Variants in HMX1 observed in about 807,000 individuals in gnomAD.
HMX1 encodes H6 family homeobox 1.
A neutral mutation model predicts 8.9 loss-of-function variants in HMX1; 8 were observed. That is an observed-to-expected ratio of 0.90 (90% CI 0.53 to 1.63). The LOEUF is 1.63. Among genes scored for constraint, HMX1 ranks in the 40% most tolerant of loss-of-function variants. The pLI is 0.00. For missense variants in HMX1, 621 were observed against 558.5 expected (o/e 1.11, Z -1.13); for synonymous variants, 311 against 283.4 (o/e 1.10, Z -0.98).
At position 8,867,667 on chromosome 4, in the gene HMX1, T is replaced by G; in HGVS notation, c.*26A>C. Reference sequence around the variant, plus strand: ...GCGTCCACACAGGTCCACAGGGTCGTGGGGAGAGGGCCCGGCAGGCGGGGC... The same window carrying G: ...GCGTCCACACAGGTCCACAGGGTCGGGGGGAGAGGGCCCGGCAGGCGGGGC... On this transcript the variant is annotated 3_prime_UTR_variant, in exon 2 of 2. Transcript: ENST00000400677. The G allele has an allele frequency of 8.1e-7, 1 of 1,236,678 alleles. No individual in the cohort carries two copies. Among genetic ancestry groups the G allele is most frequent in the Admixed American group, 4.2e-5 (1 of 23,564 alleles). The allele number at this position is 1,236,678 out of a possible 1,614,324, so 76.6% of individuals were successfully genotyped here. A position where few individuals can be genotyped will look rare whatever the true frequency, so the allele number is the denominator to read the frequency against.
At position 8,848,263 on chromosome 4, in the gene HMX1, C is replaced by T. The variant is rs1437074644; in HGVS notation, c.395-1939G>A. Among the ~76,000 whole-genome samples the T allele has an allele frequency of 1.3e-5, 2 of 152,280 alleles. No homozygotes were observed. Among genetic ancestry groups the T allele is most frequent in the Non-Finnish European group, 2.9e-5 (2 of 68,034 alleles). On this transcript the variant is annotated intron_variant, in intron 1 of 1. Coordinates refer to the HMX1 transcript ENST00000506970. This position sits in a 1 kb window ranked among gnomAD's most constrained non-coding sequence, Gnocchi z 4.1. The stretch of plus-strand genomic sequence containing the variant: ...TCAATATTTTTATATTGATTGCATA[C>T]TGAAATGGTAATTTTGAACATGTTG...
downstream of HMX1, among the ~76,000 whole-genome samples, chr4:8,862,416 T>C (rs1359153903): frequency 6.6e-6 from 1 of 152,182 alleles, no homozygotes; most frequent in African/African-American, 2.4e-5. Flanking sequence ...TAAAACAAAA[T>C]CGAGGGAGGC....
downstream of HMX1, among the ~76,000 whole-genome samples, chr4:8,864,514 C>T (rs1721930695): frequency 1.3e-5 from 2 of 152,350 alleles, no homozygotes; most frequent in Middle Eastern, 3.4e-3. Context: ...AGCCAACGCG[C>T]TCGAGGTGCA....
Position 8,867,878 on chromosome 4 carries a change from C to A in HMX1, c.862G>T (p.Glu288Ter). The change falls in exon 2 of 2, where the codon GAA becomes TAA. Residue 288 changes from glutamate to a stop codon, truncating the protein, a stop_gained. Transcript: ENST00000400677. LOFTEE classifies it low-confidence loss of function (END_TRUNC). ...GCGGCGGCTGCGGCCGGGGGGCTTTCGTGGTAGAGCACCGGCACGCGGACC... is the reference window on the plus strand; with the variant it reads ...GCGGCGGCTGCGGCCGGGGGGCTTTAGTGGTAGAGCACCGGCACGCGGACC... ...RLVRVPVLYH[E>*]SPPAAAAAGP... The A allele has an allele frequency of 7.8e-7, 1 of 1,284,570 alleles. No individual in the cohort carries two copies. The highest frequency in any genetic ancestry group is 9.8e-7 in the Non-Finnish European group (1 of 1,017,202). 79.6% of individuals were successfully genotyped at this position (1,284,570 alleles called of 1,614,324 possible).
chr4:8,867,921 C>G lies in HMX1; in HGVS notation c.819G>C (p.Pro273=). 2 of 1,439,328 alleles carry G rather than the reference C, an allele frequency of 1.4e-6. No individual in the cohort carries two copies. The highest frequency in any genetic ancestry group is 1.8e-6 in the Non-Finnish European group (2 of 1,093,918). The allele number at this position is 1,439,328 out of a possible 1,614,324, so 89.2% of individuals were successfully genotyped here. A position where few individuals can be genotyped will look rare whatever the true frequency, so the allele number is the denominator to read the frequency against. The change falls in exon 2 of 2, where the codon CCG becomes CCC. Residue 273 remains proline, a synonymous_variant. Transcript: ENST00000400677. Reference sequence around the variant, plus strand: ...CGCGGACCAGGCGCTGCGCTCCCGGCGGGGACAGGCTGGCCGCCTCCAGCT... The same window carrying G: ...CGCGGACCAGGCGCTGCGCTCCCGGGGGGGACAGGCTGGCCGCCTCCAGCT... The part of the protein sequence containing the change: ...AAELEAASLS[P]PGAQRLVRVP...
rs562261539 is a variant in HMX1, at chr4:8,856,269, C to G, written c.395-9945G>C. ...AAAGAAAGAACCGAAAAAATGAATT[C>G]AAGCAATCGTGGCAGAAGCGTCCTA... On this transcript the variant is annotated intron_variant, in intron 1 of 1. Transcript: ENST00000506970. Among the ~76,000 whole-genome samples the G allele has an allele frequency of 1.7e-3, 265 of 152,274 alleles. 1 individual carries two copies. Among genetic ancestry groups the G allele is most frequent in the African/African-American group, 5.8e-3 (243 of 41,556 alleles).
In HMX1 at chr4:8,871,804, C is replaced by T. The variant is rs1722237208; in HGVS notation, c.-190G>A. On this transcript the variant is annotated 5_prime_UTR_variant, in exon 1 of 2. Coordinates refer to ENST00000400677, the MANE Select transcript of HMX1 (RefSeq NM_018942.3). This position sits in a 1 kb window ranked among gnomAD's most constrained non-coding sequence, Gnocchi z 4.8. ...GGCCGGGCCGGGAGCGAGTGCGCGC[C>T]GACAGCTGATCGGGCAGCCGCCTGG... The T allele has an allele frequency of 1.1e-5, 8 of 712,334 alleles. No individual in the cohort carries two copies. Among genetic ancestry groups the T allele is most frequent in the Non-Finnish European group, 1.4e-5 (8 of 579,680 alleles). 44.1% of individuals were successfully genotyped at this position (712,334 alleles called of 1,614,324 possible).
In HMX1 at chr4:8,862,011, C is replaced by T. The variant is rs549596031; in HGVS notation, c.394+9210G>A. 1.7e-3 allele frequency among the ~76,000 whole-genome samples: 259 copies of T among 152,332 alleles called. 1 individual carries two copies. The highest frequency in any genetic ancestry group is 5.7e-3 in the African/African-American group (237 of 41,586). On this transcript the variant is annotated intron_variant, in intron 1 of 1. Coordinates refer to the HMX1 transcript ENST00000506970. Reference sequence around the variant, plus strand: ...CGCCAAGGACCCTTCAGCCCTTGTCCGTCCTCCCTGATATGTCCTCGACGC... The same window carrying T: ...CGCCAAGGACCCTTCAGCCCTTGTCTGTCCTCCCTGATATGTCCTCGACGC...
At chr4:8,861,612 C>T (rs1290832150) in intron 1 of HMX1, among the ~76,000 whole-genome samples, 1 of 152,112 alleles carries the variant, frequency 6.6e-6, no homozygotes, top group East Asian at 1.9e-4. Flanking sequence ...GGCGGAGCCC[C>T]GGGGGCACGG....
intron 1 of HMX1, among the ~76,000 whole-genome samples, chr4:8,850,764 C>T (rs1216171464): frequency 6.6e-6 from 1 of 152,252 alleles, no homozygotes; most frequent in African/African-American, 2.4e-5. Context: ...ACTCCACTCA[C>T]CCAGCCCTGC....
rs4340868 is a variant in HMX1 at position 8,853,503 on chromosome 4, T to G, written c.395-7179A>C. Among the ~76,000 whole-genome samples, 29,601 of 152,150 alleles carry G rather than the reference T, an allele frequency of 0.19. 3,879 individuals carry two copies. Among genetic ancestry groups the G allele is most frequent in the East Asian group, 0.56 (2,902 of 5,160 alleles). ...CTGCAAGGGAGGCTGGGAAATGTAG[T>G]CTTTAGCTAAGTGCCCAACTGAAAT... is the stretch of plus-strand genomic sequence containing the variant. On this transcript the variant is annotated intron_variant, in intron 1 of 1. Transcript: ENST00000506970. This position sits in a 1 kb window ranked among gnomAD's most constrained non-coding sequence, Gnocchi z 4.7.
chr4:8,846,214 C>T (rs1304930640), exon 2 of HMX1: 1 of 1,511,510 alleles, frequency 6.6e-7, no homozygotes, highest in Non-Finnish European at 8.9e-7. Context: ...CCTGCGGCCT[C>T]CTCCGCCATC....
At chr4:8,869,147 C>G (rs991338162) in intron 1 of HMX1, among the ~76,000 whole-genome samples, 23 of 152,326 alleles carry the variant, frequency 1.5e-4, no homozygotes, top group Admixed American at 6.5e-4. Context: ...GGTTCAGCCT[C>G]ATGGGTTTGG....
At chr4:8,857,077 T>C (rs1721628815) in intron 1 of HMX1, among the ~76,000 whole-genome samples, 2 of 152,322 alleles carry the variant, frequency 1.3e-5, no homozygotes, top group South Asian at 4.1e-4. Context: ...CAGCGGACCA[T>C]CTCAATAACA....
intron 1 of HMX1, among the ~76,000 whole-genome samples, chr4:8,861,844 G>C (rs1457927551): frequency 3.3e-5 from 5 of 152,254 alleles, no homozygotes; most frequent in African/African-American, 1.2e-4. Context: ...CAAGCACGCC[G>C]AGTGCGTCAA....
At chr4:8,846,307 G>A in exon 2 of HMX1, 5 of 1,535,090 alleles carry the variant, frequency 3.3e-6, no homozygotes, top group Non-Finnish European at 4.4e-6. Flanking sequence ...ACAGGCTGAG[G>A]TGTAATCTTC....
At chr4:8,861,025 G>A (rs1423736005) in intron 1 of HMX1, among the ~76,000 whole-genome samples, 1 of 151,764 alleles carries the variant, frequency 6.6e-6, no homozygotes, top group Non-Finnish European at 1.5e-5. Context: ...GCCCGGGAGG[G>A]CCGCGAGCTG....
intron 1 of HMX1, among the ~76,000 whole-genome samples, chr4:8,859,499 C>A (rs141721525): frequency 6.6e-6 from 1 of 152,266 alleles, no homozygotes; most frequent in Non-Finnish European, 1.5e-5. Flanking sequence ...AAGGGTACTG[C>A]CTCTCAGACC....
chr4:8,866,197 C>A (rs1721989657), downstream of HMX1, among the ~76,000 whole-genome samples: 1 of 152,186 alleles, frequency 6.6e-6, no homozygotes, highest in Non-Finnish European at 1.5e-5. Context: ...CACAGATGCA[C>A]TGACCCCCAG....
Sources: gnomAD v4.1 joint callset for allele counts (sites outside exome capture counted in the v4.1 genomes callset) on GRCh38, gnomAD v4.1.1 for gene constraint, Gnocchi (gnomAD v3.1) non-coding constraint, MANE v1.5 for transcripts, NCBI Gene and HGNC (gene_info 2026-07-23, HGNC 2026-07-21) for gene names.